Variants in RAI1 observed in about 807,000 individuals in gnomAD.
The protein encoded by RAI1 is retinoic acid-induced protein 1.
Under a neutral mutation model 123.8 loss-of-function variants are expected in RAI1, and 9 were observed. The ratio of observed to expected loss-of-function variants is 0.07; its 90% confidence interval spans 0.04 to 0.13. The LOEUF is 0.13. Among genes scored for constraint, RAI1 ranks in the 10% least tolerant of loss-of-function variants. The pLI is 1.00. For synonymous variants in RAI1, 1,231 were observed against 1,127.3 expected (o/e 1.09, Z -1.84); for missense variants, 2,256 against 2,545.8 (o/e 0.89, Z 2.45).
intron 2 of RAI1, among the ~76,000 whole-genome samples, chr17:17,741,161 G>A (rs900010370): frequency 3.3e-5 from 5 of 152,032 alleles, no homozygotes; most frequent in South Asian, 4.2e-4. Flanking sequence ...AAGCGCACAC[G>A]TACACGCACG....
chr17:17,768,800 C>T (rs192763701), intron 2 of RAI1, among the ~76,000 whole-genome samples: 54 of 152,342 alleles, frequency 3.5e-4, no homozygotes, highest in Non-Finnish European at 5.6e-4. Context: ...CCCAAGGTGG[C>T]GGCTGCGGCT....
chr17:17,758,135 G>A (rs992859134), intron 2 of RAI1, among the ~76,000 whole-genome samples: 6 of 152,150 alleles, frequency 3.9e-5, no homozygotes, highest in African/African-American at 9.7e-5. Context: ...CCCTCCGAGC[G>A]TTTTACATAG....
At chr17:17,734,820 C>G (rs899567791) in intron 2 of RAI1, among the ~76,000 whole-genome samples, 15 of 152,258 alleles carry the variant, frequency 9.9e-5, no homozygotes, top group African/African-American at 3.6e-4. Context: ...GTGTGCGTAT[C>G]TGTGTGTTCT....
chr17:17,748,936 G>A (rs1392730328), intron 2 of RAI1, among the ~76,000 whole-genome samples: 3 of 152,122 alleles, frequency 2.0e-5, no homozygotes, highest in Non-Finnish European at 4.4e-5. Context: ...TTTGGCACCT[G>A]GTGGCAGGCA....
chr17:17,717,757 GAA>G (rs1915756783), intron 1 of RAI1, among the ~76,000 whole-genome samples: 1 of 152,186 alleles, frequency 6.6e-6, no homozygotes, highest in Admixed American at 6.5e-5. Flanking sequence ...GCTGAGGAAG[GAA>G]GATGAATACC....
At chr17:17,747,089 T>C (rs2029955403) in intron 2 of RAI1, among the ~76,000 whole-genome samples, 1 of 152,216 alleles carries the variant, frequency 6.6e-6, no homozygotes, top group South Asian at 2.1e-4. Flanking sequence ...ACTGCCTATC[T>C]GAGCTTTGAG....
chr17:17,689,968 A>G (rs1914781392), intron 1 of RAI1, among the ~76,000 whole-genome samples: 1 of 152,136 alleles, frequency 6.6e-6, no homozygotes, highest in South Asian at 2.1e-4. Context: ...ACCCTTCTAT[A>G]GTGATCTAAA....
At chr17:17,699,627 G>GC (rs926720760) in intron 1 of RAI1, among the ~76,000 whole-genome samples, 7 of 137,290 alleles carry the variant, frequency 5.1e-5, no homozygotes, top group African/African-American at 1.9e-4. Context: ...TTGTCGGGGG[G>GC]CCGGGGGGGG....
At chr17:17,802,438 A>G (rs944626089) in intron 3 of RAI1, among the ~76,000 whole-genome samples, 3 of 152,302 alleles carry the variant, frequency 2.0e-5, no homozygotes, top group Middle Eastern at 3.4e-3. Context: ...CAGTTTCACC[A>G]TCTGTAAAGT....
chr17:17,802,737 C>T (rs905464191), intron 3 of RAI1, among the ~76,000 whole-genome samples: 2 of 151,872 alleles, frequency 1.3e-5, no homozygotes, highest in Admixed American at 1.3e-4. Context: ...GATTGTGCCA[C>T]TGCTCTCTAG....
At chr17:17,788,850 C>T (rs1050437388) in intron 2 of RAI1, among the ~76,000 whole-genome samples, 2 of 152,208 alleles carry the variant, frequency 1.3e-5, no homozygotes, top group Non-Finnish European at 2.9e-5. Flanking sequence ...CTACACTGTG[C>T]CCATTTCGCT....
rs546568958 is a variant in RAI1 at position 17,745,016 on chromosome 17, C to A, written c.-17+20857C>A. ...CCTGCTGTTAGGGGCTCTCACAGTC[C>A]TGGTGGGGAGACTGACCCCTAAGCT... is the stretch of plus-strand genomic sequence containing the variant. On this transcript the variant is annotated intron_variant, in intron 2 of 5. Transcript: ENST00000353383. 2.0e-5 allele frequency among the ~76,000 whole-genome samples: 3 copies of A among 152,184 alleles called. No individual in the cohort carries two copies. In the East Asian group the frequency reaches 5.8e-4, roughly 29 times the overall value.
In RAI1 at chr17:17,800,146, T is replaced by C. The variant is rs963954805; in HGVS notation, c.5565+1633T>C. ...TCCCTCTCCCCTTCCCAGTTAGTGA[T>C]TTTTTGCCTCTCTCCTGCTTTCTGT... On this transcript the variant is annotated intron_variant, in intron 3 of 5. Transcript: ENST00000353383. This position sits in a 1 kb window ranked among gnomAD's most constrained non-coding sequence, Gnocchi z 4.7. 2.1e-5 allele frequency among the ~76,000 whole-genome samples: 3 copies of C among 145,368 alleles called. No homozygotes were observed. Among genetic ancestry groups the C allele is most frequent in the Non-Finnish European group, 4.6e-5 (3 of 65,308 alleles).
At chr17:17,705,170 C>T (rs1915354499) in intron 1 of RAI1, among the ~76,000 whole-genome samples, 1 of 152,232 alleles carries the variant, frequency 6.6e-6, no homozygotes, top group Non-Finnish European at 1.5e-5. Flanking sequence ...CATCATCACT[C>T]AAGCCTGTCC....
chr17:17,723,488 C>T (rs1482427859), intron 1 of RAI1, among the ~76,000 whole-genome samples: 1 of 152,010 alleles, frequency 6.6e-6, no homozygotes, highest in Non-Finnish European at 1.5e-5. Context: ...TTCCCTCCCT[C>T]CCCTCCTCTA....
intron 1 of RAI1, among the ~76,000 whole-genome samples, chr17:17,702,080 G>C (rs996814360): frequency 6.6e-6 from 1 of 152,268 alleles, no homozygotes; most frequent in Non-Finnish European, 1.5e-5. Flanking sequence ...GGAAGGATAA[G>C]TGTGAGCTAA....
At chr17:17,720,450 C>T (rs1443344373) in intron 1 of RAI1, among the ~76,000 whole-genome samples, 1 of 152,204 alleles carries the variant, frequency 6.6e-6, no homozygotes, top group Non-Finnish European at 1.5e-5. Flanking sequence ...GCCAGGCAGC[C>T]TCCTCTGCTG....
chr17:17,810,013 G>A lies in RAI1; in HGVS notation c.*32G>A, dbSNP rs1391448373. On this transcript the variant is annotated 3_prime_UTR_variant, in exon 6 of 6. Transcript: ENST00000353383. The surrounding 1 kb of genome is among the most constrained non-coding windows in gnomAD (Gnocchi z 4.6). The stretch of plus-strand genomic sequence containing the variant: ...ACCCCAACGGCCGGAGGAGCCGCCG[G>A]AGCCCGCCTGCCCGCCCGCCGCCGA... 16 of 1,544,230 alleles carry A rather than the reference G, an allele frequency of 1.0e-5. No homozygotes were observed. The highest frequency in any genetic ancestry group is 1.2e-5 in the Non-Finnish European group (14 of 1,145,132).
At position 17,810,085 on chromosome 17, in the gene RAI1, A is replaced by G. The variant is rs2032700065; in HGVS notation, c.*104A>G. 9.0e-6 allele frequency: 13 copies of G among 1,451,356 alleles called. No individual in the cohort carries two copies. The South Asian group carries it at 1.3e-4, about 14-fold the overall frequency. 89.9% of individuals were successfully genotyped at this position (1,451,356 alleles called of 1,614,324 possible). A position where few individuals can be genotyped will look rare whatever the true frequency, so the allele number is the denominator to read the frequency against. On this transcript the variant is annotated 3_prime_UTR_variant, in exon 6 of 6. Transcript: ENST00000353383. The surrounding 1 kb of genome is among the most constrained non-coding windows in gnomAD (Gnocchi z 4.6). The stretch of plus-strand genomic sequence containing the variant: ...GCCCCCGGGCCTTTGAGCTGCTCCC[A>G]GCGCTGGTCCAGAGCCGATCCTTGA...
Sources: gnomAD v4.1 joint callset for allele counts (sites outside exome capture counted in the v4.1 genomes callset) on GRCh38, gnomAD v4.1.1 for gene constraint, Gnocchi (gnomAD v3.1) non-coding constraint, MANE v1.5 for transcripts, NCBI Gene and HGNC (gene_info 2026-07-23, HGNC 2026-07-21) for gene names.